The following TTLL7 variants were observed in gnomAD, a reference collection of about 807,000 sequenced individuals.
TTLL7 encodes the protein tubulin polyglutamylase TTLL7.
In TTLL7, 53 loss-of-function variants were observed where a neutral mutation model predicts 120.2. The ratio of observed to expected loss-of-function variants is 0.44; its 90% CI spans 0.35 to 0.55. The LOEUF (loss-of-function observed/expected upper bound fraction) is 0.55. TTLL7 is among the 20% of genes least tolerant of loss of function. TTLL7 has a pLI of 0.00. For synonymous variants in TTLL7, 353 were observed against 351.7 expected (o/e 1.00, Z -0.04); for missense variants, 803 against 1,054.7 (o/e 0.76, Z 3.31).
At chr1:83,923,034 A>C (rs1658817382) in intron 10 of TTLL7, among the ~76,000 whole-genome samples, 1 of 150,736 alleles carries the variant, frequency 6.6e-6, no homozygotes, top group South Asian at 2.1e-4. Context: ...AAGAGTTCTG[A>C]TTTTAGTGAG....
chr1:83,947,498 A>C, intron 5 of TTLL7: 1 of 452,622 alleles, frequency 2.2e-6, no homozygotes, highest in Non-Finnish European at 3.8e-6. Context: ...AAAAAAAAAC[A>C]ACCTTGCCCT....
At chr1:83,936,852 T>TGA (rs777612982) in intron 8 of TTLL7, among the ~76,000 whole-genome samples, 11 of 152,216 alleles carry the variant, frequency 7.2e-5, no homozygotes, top group Non-Finnish European at 1.6e-4. Context: ...AAGCTGCTGC[T>TGA]GAGTGGTGGC....
At chr1:83,968,722 A>G (rs1571339984) in intron 1 of TTLL7, among the ~76,000 whole-genome samples, 1 of 152,192 alleles carries the variant, frequency 6.6e-6, no homozygotes, top group Admixed American at 6.5e-5. Flanking sequence ...CTGTCAAGGA[A>G]AAATGAGAAG....
intron 19 of TTLL7, among the ~76,000 whole-genome samples, chr1:83,889,133 A>G (rs1655225009): frequency 6.6e-6 from 1 of 152,110 alleles, no homozygotes; most frequent in Admixed American, 6.6e-5. Flanking sequence ...AGAAACTTAC[A>G]ATCATGGCAG....
intron 1 of TTLL7, among the ~76,000 whole-genome samples, chr1:83,988,884 A>C (rs1652728480): frequency 6.6e-6 from 1 of 151,706 alleles, no homozygotes; most frequent in African/African-American, 2.4e-5. Flanking sequence ...TAATTTTTGT[A>C]TTTTTAGTAG....
chr1:83,950,763 C>A (rs1483510115), intron 3 of TTLL7, among the ~76,000 whole-genome samples: 1 of 151,986 alleles, frequency 6.6e-6, no homozygotes, highest in African/African-American at 2.4e-5. Context: ...GTGTACAATC[C>A]CAAGAGTTGG....
In TTLL7 at chr1:83,881,801, C is replaced by T. The variant is rs1412355524; in HGVS notation, c.2543+1162G>A. On this transcript the variant is annotated intron_variant, in intron 20 of 20. Transcript: ENST00000260505. ...GACACATGCACACGTATGTTTATTG[C>T]GGCACTATTCACAATAGCAAAGACT... Among the ~76,000 whole-genome samples, 706 of 149,196 alleles carry T rather than the reference C, an allele frequency of 4.7e-3. 4 individuals are homozygous for T. The highest frequency in any genetic ancestry group is 0.017 in the African/African-American group (680 of 40,518).
At chr1:83,984,277 A>G (rs10874425) in intron 1 of TTLL7, 149,253 of 152,296 alleles carry the variant, frequency 0.98, 73,157 homozygotes, top group East Asian at 1. Context: ...AACAGATGCC[A>G]GCAAGGCTGC....
Position 83,866,120 on chromosome 1 carries a change from TA to T in TTLL7, c.*3841del, listed in dbSNP as rs1286396229. 5.3e-5 allele frequency: 8 copies of T among 151,912 alleles called. No individual in the cohort carries two copies. The highest frequency in any genetic ancestry group is 1.7e-4 in the African/African-American group (7 of 41,448). The allele number at this position is 151,912 out of a possible 1,614,324, so 9.4% of individuals were successfully genotyped here. ...ACCATGTAAACTAAGACTCAAAGTTTAAATTAGCATTACAGAACAGAAAAGG... is the reference window on the plus strand; with the variant it reads ...ACCATGTAAACTAAGACTCAAAGTTTAATTAGCATTACAGAACAGAAAAGG... On this transcript the variant is annotated 3_prime_UTR_variant, in exon 21 of 21. Coordinates refer to ENST00000260505, the MANE Select transcript of TTLL7 (RefSeq NM_024686.6).
chr1:83,937,326 C>T (rs997187770), intron 8 of TTLL7, among the ~76,000 whole-genome samples: 6 of 151,912 alleles, frequency 3.9e-5, no homozygotes, highest in Non-Finnish European at 7.4e-5. Flanking sequence ...GCCTCAGCCC[C>T]GAGTAGCTGG....
At chr1:83,937,161 T>A (rs1647473236) in intron 8 of TTLL7, among the ~76,000 whole-genome samples, 1 of 152,096 alleles carries the variant, frequency 6.6e-6, no homozygotes, top group African/African-American at 2.4e-5. Context: ...AGATATACAA[T>A]CTTTACCATT....
chr1:83,916,372 TCAG>T (rs1275695342), intron 14 of TTLL7, among the ~76,000 whole-genome samples: 6 of 151,966 alleles, frequency 3.9e-5, no homozygotes, highest in Admixed American at 2.0e-4. Context: ...ACCATCATCC[TCAG>T]CAAACTATTG....
At chr1:83,926,578 G>A (rs75959215) in intron 10 of TTLL7, among the ~76,000 whole-genome samples, 170 of 152,288 alleles carry the variant, frequency 1.1e-3, no homozygotes, top group African/African-American at 3.9e-3. Context: ...GAGTGTAAGA[G>A]AAATCATAAG....
intron 10 of TTLL7, among the ~76,000 whole-genome samples, chr1:83,923,066 G>T (rs1016508923): frequency 2.0e-5 from 3 of 150,672 alleles, no homozygotes; most frequent in Non-Finnish European, 4.4e-5. Context: ...TTTCAATGAT[G>T]AATACAAATT....
chr1:83,983,598 C>A (rs1164833656), intron 1 of TTLL7, among the ~76,000 whole-genome samples: 1 of 152,056 alleles, frequency 6.6e-6, no homozygotes, highest in African/African-American at 2.4e-5. Context: ...GCAACTGCAA[C>A]AATAACAAAA....
intron 20 of TTLL7, chr1:83,882,640 T>C (rs562141779): frequency 3.8e-5 from 8 of 211,442 alleles, no homozygotes; most frequent in Non-Finnish European, 7.5e-5. Flanking sequence ...GAAATATCTC[T>C]ATTGGAGAAC....
chr1:83,887,206 CA>C, intron 19 of TTLL7: 1 of 1,144,126 alleles, frequency 8.7e-7, no homozygotes. Flanking sequence ...TGTTGACAGG[CA>C]AAGGCAAGAA....
chr1:83,888,703 A>C (rs1655180186), intron 19 of TTLL7, among the ~76,000 whole-genome samples: 1 of 151,982 alleles, frequency 6.6e-6, no homozygotes, highest in Admixed American at 6.6e-5. Flanking sequence ...AGAGATCTGA[A>C]AAACAATGAG....
chr1:83,974,161 A>C (rs1651246370), intron 1 of TTLL7, among the ~76,000 whole-genome samples: 1 of 152,010 alleles, frequency 6.6e-6, no homozygotes, highest in Admixed American at 6.6e-5. Flanking sequence ...CACCTAAACA[A>C]AGCTGATGTA....
Sources: allele counts gnomAD v4.1 joint callset (sites outside exome capture counted in the v4.1 genomes callset), GRCh38; gene constraint gnomAD v4.1.1; transcripts MANE v1.5; gene names NCBI Gene and HGNC (gene_info 2026-07-23, HGNC 2026-07-21).